Variants in MICAL2 observed in about 807,000 individuals in gnomAD.
MICAL2 encodes the protein [F-actin]-monooxygenase MICAL2.
MICAL2 carries 77 observed loss-of-function variants against 127.3 expected under a neutral mutation model. The observed-to-expected ratio is 0.60, with a 90% CI of 0.50 to 0.73. The LOEUF (loss-of-function observed/expected upper bound fraction) is 0.73. Ranked by LOEUF, MICAL2 falls within the 30% of genes least tolerant of loss-of-function variation. The pLI is 0.00. For synonymous variants in MICAL2, 570 were observed against 551.1 expected, an observed-to-expected ratio of 1.03 and a Z score of -0.48; for missense variants, 1,351 against 1,434.4, an observed-to-expected ratio of 0.94 and a Z score of 0.94.
Position 12,256,774 on chromosome 11 carries a change from C to T in MICAL2, c.2956-11C>T, listed in dbSNP as rs1245051646. On this transcript the variant is annotated splice_polypyrimidine_tract_variant and intron_variant, in intron 23 of 27. Transcript: ENST00000683283. ...GCCATAATACACCCACTCTTCTCTC[C>T]CGATCCCCAGGAATCTATGCGAAAG... is the stretch of plus-strand genomic sequence containing the variant. 6.2e-7 allele frequency: 1 copy of T among 1,601,628 alleles called. No homozygotes were observed. Among genetic ancestry groups the T allele is most frequent in the Admixed American group, 1.7e-5 (1 of 59,348 alleles).
In MICAL2 at chr11:12,227,027, T is replaced by C. The variant is rs1193823719; in HGVS notation, c.1891T>C (p.Ser631Pro). The change falls in exon 15 of 28, where the codon TCT becomes CCT. Residue 631 changes from serine (S) to proline (P), a missense_variant and splice_region_variant. By Grantham distance (74) the Ser-to-Pro change is moderately conservative. Coordinates refer to ENST00000683283, the MANE Select transcript of MICAL2 (RefSeq NM_001282663.2). ...FRGTPLRPVD[S>P]WRKNYGENAD... Reference sequence around the variant, plus strand: ...AGTTGCGCTTTATTTCCCAACAGATTCTTGGCGCAAAAACTATGGAGAAAA... The same window carrying C: ...AGTTGCGCTTTATTTCCCAACAGATCCTTGGCGCAAAAACTATGGAGAAAA... 3.1e-6 allele frequency: 5 copies of C among 1,613,306 alleles called. No individual in the cohort carries two copies. Among genetic ancestry groups the C allele is most frequent in the Admixed American group, 3.3e-5 (2 of 59,996 alleles).
intron 26 of MICAL2, chr11:12,260,837 TC>T (rs575433518): frequency 4.1e-6 from 4 of 985,088 alleles, no homozygotes; most frequent in Non-Finnish European, 3.6e-6. Flanking sequence ...TTAAAGGCTT[TC>T]CCCCCCATAC....
downstream of MICAL2, chr11:12,294,772 CA>C (rs1351050212): frequency 3.1e-6 from 5 of 1,611,684 alleles, no homozygotes; most frequent in African/African-American, 2.7e-5. Context: ...TGCAGCCTTT[CA>C]AAAGCACCTC....
chr11:12,356,491 G>A (rs1939130560), intron 34 of MICAL2, among the ~76,000 whole-genome samples: 1 of 152,150 alleles, frequency 6.6e-6, no homozygotes, highest in Admixed American at 6.6e-5. Flanking sequence ...GACTCTGTGT[G>A]GGGTGCTGTG....
downstream of MICAL2, chr11:12,293,951 G>A (rs1222130181): frequency 1.9e-6 from 3 of 1,613,774 alleles, no homozygotes; most frequent in African/African-American, 1.3e-5. Flanking sequence ...GCTGGTAAAG[G>A]AGAAGTTGGG....
At chr11:12,220,537 G>A (rs888385256) in intron 9 of MICAL2, 79 bp downstream of exon 9, 11 of 1,532,770 alleles carry the variant, frequency 7.2e-6, no homozygotes, top group East Asian at 2.3e-5. Flanking sequence ...AGTATCTGCT[G>A]TTGTGCAGCG....
downstream of MICAL2, among the ~76,000 whole-genome samples, chr11:12,290,595 T>C (rs1863885137): frequency 2.6e-5 from 4 of 152,134 alleles, no homozygotes; most frequent in Admixed American, 2.6e-4. Flanking sequence ...GCTTGAACCT[T>C]CTAATCGTGG....
intron 29 of MICAL2, among the ~76,000 whole-genome samples, chr11:12,304,002 C>A (rs751741951): frequency 2.6e-5 from 4 of 152,044 alleles, no homozygotes; most frequent in Non-Finnish European, 5.9e-5. Context: ...TGCACTCCAG[C>A]CTGGGCAAGA....
At chr11:12,201,294 G>T (rs1230681521) in intron 3 of MICAL2, among the ~76,000 whole-genome samples, 1 of 152,070 alleles carries the variant, frequency 6.6e-6, no homozygotes, top group East Asian at 1.9e-4. Flanking sequence ...CACACTGATC[G>T]TGGTGTGGGA....
chr11:12,294,180 T>C, downstream of MICAL2: 1 of 1,613,972 alleles, frequency 6.2e-7, no homozygotes, highest in Non-Finnish European at 8.5e-7. Context: ...CAGGAGAAGA[T>C]GGGGACCCCT....
At chr11:12,277,384 C>G (rs1125743) in intron 1 of MICAL2, among the ~76,000 whole-genome samples, 60,847 of 151,860 alleles carry the variant, frequency 0.4, 13,098 homozygotes, top group East Asian at 0.77. Flanking sequence ...ATAGGCTGCT[C>G]TCTTTAGGGG....
At chr11:12,274,241 A>G (rs550329541), upstream of MICAL2, 3 of 152,264 alleles carry the variant, frequency 2.0e-5, no homozygotes, top group East Asian at 5.8e-4. Flanking sequence ...CTGTCCCTGG[A>G]GATGAGGTCA....
intron 29 of MICAL2, among the ~76,000 whole-genome samples, chr11:12,313,624 A>T (rs998522101): frequency 6.6e-6 from 1 of 152,144 alleles, no homozygotes; most frequent in Admixed American, 6.5e-5. Flanking sequence ...AATATACTCT[A>T]GTTATTGGAT....
intron 1 of MICAL2, among the ~76,000 whole-genome samples, chr11:12,117,266 C>T (rs768026271): frequency 8.5e-5 from 13 of 152,208 alleles, no homozygotes; most frequent in Non-Finnish European, 1.3e-4. Flanking sequence ...AGGGGTTGGA[C>T]GGTGGTCCCT....
intron 3 of MICAL2, 45 bp from the exon 4 acceptor site, chr11:12,204,205 A>C (rs3763822): frequency 1.3e-6 from 2 of 1,578,612 alleles, no homozygotes; most frequent in Non-Finnish European, 1.7e-6. Context: ...CGTGTCTGTG[A>C]TGCTAGAGGT....
At chr11:12,341,702 C>A (rs1938868751) in intron 32 of MICAL2, among the ~76,000 whole-genome samples, 1 of 152,140 alleles carries the variant, frequency 6.6e-6, no homozygotes, top group Admixed American at 6.6e-5. Flanking sequence ...TGGCGCATGC[C>A]TGTAGTCCCA....
intron 32 of MICAL2, among the ~76,000 whole-genome samples, chr11:12,347,443 T>C (rs1054113669): frequency 6.6e-6 from 1 of 152,194 alleles, no homozygotes; most frequent in East Asian, 1.9e-4. Context: ...GTATCTCCAG[T>C]ACCTAAGGCA....
upstream of MICAL2, chr11:12,274,737 G>A (rs940111698): frequency 6.6e-6 from 1 of 152,280 alleles, no homozygotes; most frequent in African/African-American, 2.4e-5. Context: ...AGGAGACAAG[G>A]TCACGGGACG....
At chr11:12,323,433 TGA>T (rs138472124) in intron 30 of MICAL2, among the ~76,000 whole-genome samples, 4,620 of 151,848 alleles carry the variant, frequency 0.03, 162 homozygotes, top group Admixed American at 0.1. Flanking sequence ...TTTCATGTAG[TGA>T]GAGAGAGAGA....
Sources: gnomAD v4.1 joint callset for allele counts (sites outside exome capture counted in the v4.1 genomes callset) on GRCh38, gnomAD v4.1.1 for gene constraint, MANE v1.5 for transcripts, NCBI Gene and HGNC (gene_info 2026-07-23, HGNC 2026-07-21) for gene names.